The following PPP1R1C variants were observed in gnomAD, a reference collection of about 807,000 sequenced individuals.
PPP1R1C encodes protein phosphatase 1 regulatory inhibitor subunit 1C, also known as protein phosphatase 1 regulatory subunit 1C.
A neutral mutation model predicts 17.4 loss-of-function variants in PPP1R1C; 15 were observed. The observed-to-expected ratio is 0.86, with a 90% confidence interval of 0.58 to 1.33. The LOEUF (loss-of-function observed/expected upper bound fraction) is 1.33, where lower values mean the gene tolerates loss of function less well. Ranked by LOEUF, PPP1R1C falls within the 40% of genes most tolerant of loss-of-function variation. The pLI is 0.00. For synonymous variants in PPP1R1C, 35 were observed against 43.1 expected, an observed-to-expected ratio of 0.81 and a Z score of 0.73; for missense variants, 143 against 130.0, an observed-to-expected ratio of 1.10 and a Z score of -0.48.
At chr2:182,065,229 G>C (rs913915479) in intron 4 of PPP1R1C, among the ~76,000 whole-genome samples, 1 of 152,042 alleles carries the variant, frequency 6.6e-6, no homozygotes, top group African/African-American at 2.4e-5. Context: ...ATTGTTTCAA[G>C]AGGATATCAG....
intron 2 of PPP1R1C, among the ~76,000 whole-genome samples, chr2:182,014,810 C>T (rs1272747131): frequency 6.6e-6 from 1 of 150,964 alleles, no homozygotes; most frequent in Non-Finnish European, 1.5e-5. Flanking sequence ...GAAGGAGACT[C>T]TCTTTGTGGC....
intron 2 of PPP1R1C, among the ~76,000 whole-genome samples, chr2:181,977,996 CA>C (rs1685123960): frequency 6.6e-6 from 1 of 152,104 alleles, no homozygotes; most frequent in Non-Finnish European, 1.5e-5. Context: ...GTTTATAAAG[CA>C]GAGAGGTTTA....
intron 2 of PPP1R1C, among the ~76,000 whole-genome samples, chr2:182,022,254 T>C (rs899206420): frequency 6.6e-6 from 1 of 152,216 alleles, no homozygotes; most frequent in Non-Finnish European, 1.5e-5. Flanking sequence ...TCAATTAAAT[T>C]AAAAAATATT....
chr2:182,027,715 G>A (rs1686664613), intron 2 of PPP1R1C, among the ~76,000 whole-genome samples: 1 of 151,332 alleles, frequency 6.6e-6, no homozygotes, highest in African/African-American at 2.5e-5. Flanking sequence ...TCAGAATGAT[G>A]CTAGCCTCAT....
intron 2 of PPP1R1C, among the ~76,000 whole-genome samples, chr2:182,020,299 G>T (rs911190892): frequency 2.6e-5 from 4 of 152,202 alleles, no homozygotes; most frequent in African/African-American, 4.8e-5. Context: ...TTAGATGAAA[G>T]AAGAGTAATA....
intron 2 of PPP1R1C, among the ~76,000 whole-genome samples, chr2:182,043,274 G>T (rs999929184): frequency 6.6e-6 from 1 of 152,084 alleles, no homozygotes; most frequent in African/African-American, 2.4e-5. Flanking sequence ...TATTTTACAA[G>T]AACAGATTTC....
chr2:181,975,777 A>T lies in PPP1R1C; in HGVS notation n.157+513A>T, dbSNP rs1685083270. On this transcript the variant is annotated intron_variant and non_coding_transcript_variant, in intron 2 of 5. Coordinates refer to the PPP1R1C transcript ENST00000464264. ...TTGAAAGGCCCTCTGTGTACCTATA[A>T]TATTGCTCTTATAGGTAAATGTAAG... Among the ~76,000 whole-genome samples, 4 of 152,126 alleles carry T rather than the reference A, an allele frequency of 2.6e-5. No homozygotes were observed. The South Asian group carries it at 8.3e-4, about 32-fold the overall frequency.
chr2:182,129,272 A>C (rs1689948238), exon 6 of PPP1R1C: 1 of 152,048 alleles, frequency 6.6e-6, no homozygotes, highest in Admixed American at 6.6e-5. Flanking sequence ...AGGGATCTTG[A>C]GTTTAGGTAC....
intron 4 of PPP1R1C, among the ~76,000 whole-genome samples, chr2:182,098,047 A>C (rs1335626048): frequency 1.3e-5 from 2 of 152,108 alleles, no homozygotes; most frequent in African/African-American, 4.8e-5. Context: ...CTTCCAAAAG[A>C]AAAAGTGTTT....
chr2:182,058,562 A>G (rs1378323895), intron 2 of PPP1R1C, among the ~76,000 whole-genome samples: 1 of 151,844 alleles, frequency 6.6e-6, no homozygotes. Flanking sequence ...TCATTTTTTC[A>G]TTTTTTTATT....
At chr2:182,101,223 G>A (rs1689090376) in intron 4 of PPP1R1C, among the ~76,000 whole-genome samples, 1 of 152,184 alleles carries the variant, frequency 6.6e-6, no homozygotes, top group Non-Finnish European at 1.5e-5. Flanking sequence ...GCCTCCAATT[G>A]TAGAAAAGAA....
intron 2 of PPP1R1C, among the ~76,000 whole-genome samples, chr2:181,996,914 T>C (rs1685627113): frequency 6.6e-6 from 1 of 152,210 alleles, no homozygotes; most frequent in East Asian, 1.9e-4. Context: ...CCCTGTCTGA[T>C]GATAAATAAC....
intron 5 of PPP1R1C, among the ~76,000 whole-genome samples, chr2:182,123,836 G>A (rs868465370): frequency 5.3e-5 from 8 of 152,180 alleles, no homozygotes; most frequent in Admixed American, 1.3e-4. Flanking sequence ...TTCTTTTGCC[G>A]TACAGAAGCT....
chr2:181,975,049 C>T (rs1685072609), intron 1 of PPP1R1C, among the ~76,000 whole-genome samples: 1 of 152,048 alleles, frequency 6.6e-6, no homozygotes, highest in Non-Finnish European at 1.5e-5. Flanking sequence ...TATGGGGTTA[C>T]AAGGCACTGA....
At chr2:182,093,888 C>T (rs1320099057) in intron 4 of PPP1R1C, among the ~76,000 whole-genome samples, 1 of 152,222 alleles carries the variant, frequency 6.6e-6, no homozygotes, top group Non-Finnish European at 1.5e-5. Flanking sequence ...TCCACATTTT[C>T]CTGTCTTTTT....
Position 181,987,858 on chromosome 2 carries a change from C to A in PPP1R1C, c.101C>A (p.Thr34Lys). The A allele has an allele frequency of 6.2e-7, 1 of 1,613,458 alleles. No homozygotes were observed. The highest frequency in any genetic ancestry group is 1.7e-5 in the Admixed American group (1 of 59,964). ...AAEQIRKRRP[T>K]PASLVILNEH... ...TCACAGATCAGGAAAAGAAGACCTACACCAGCATCACTTGTGATTCTCAAT... is the reference window on the plus strand; with the variant it reads ...TCACAGATCAGGAAAAGAAGACCTAAACCAGCATCACTTGTGATTCTCAAT... The change falls in exon 2 of 5, where the codon ACA becomes AAA. Residue 34 changes from threonine (T) to lysine (K), a missense_variant. By Grantham distance (78) the Thr-to-Lys change is moderately conservative. Coordinates refer to ENST00000682840, the MANE Select transcript of PPP1R1C (RefSeq NM_001080545.3).
intron 1 of PPP1R1C, among the ~76,000 whole-genome samples, chr2:181,959,122 A>G (rs1574338301): frequency 1.3e-5 from 2 of 152,236 alleles, no homozygotes; most frequent in East Asian, 1.9e-4. Context: ...CAGTTACTCT[A>G]CATTCTCTAC....
At chr2:181,964,418 C>G (rs954854230) in intron 1 of PPP1R1C, among the ~76,000 whole-genome samples, 1 of 152,188 alleles carries the variant, frequency 6.6e-6, no homozygotes, top group Non-Finnish European at 1.5e-5. Flanking sequence ...AATAGTGCTA[C>G]AATAAACATG....
chr2:181,976,193 A>G lies in PPP1R1C; in HGVS notation n.157+929A>G, dbSNP rs967805349. Among the ~76,000 whole-genome samples, 1 of 152,128 alleles carries G rather than the reference A, an allele frequency of 6.6e-6. No homozygotes were observed. The highest frequency in any genetic ancestry group is 2.4e-5 in the African/African-American group (1 of 41,446). On this transcript the variant is annotated intron_variant and non_coding_transcript_variant, in intron 2 of 5. Transcript: ENST00000464264. This position sits in a 1 kb window ranked among gnomAD's most constrained non-coding sequence, Gnocchi z 4.8. ...CAAACATTTTTCACACATCACACAC[A>G]AAAGTATAAGTAAGCGTGTATGTAT...
Sources: allele counts gnomAD v4.1 joint callset (sites outside exome capture counted in the v4.1 genomes callset), GRCh38; gene constraint gnomAD v4.1.1; non-coding constraint Gnocchi (gnomAD v3.1); transcripts MANE v1.5; gene names NCBI Gene and HGNC (gene_info 2026-07-23, HGNC 2026-07-21).